GRB2: variants seen among roughly 807,000 people sequenced by gnomAD.
The protein encoded by GRB2 is growth factor receptor bound protein 2.
Under a neutral mutation model 27.4 loss-of-function variants are expected in GRB2, and 2 were observed. The ratio of observed to expected loss-of-function variants is 0.07; its 90% CI spans 0.03 to 0.23. GRB2 has a LOEUF of 0.23. Ranked by LOEUF, GRB2 falls within the 10% of genes least tolerant of loss-of-function variation. GRB2 has a pLI of 1.00. For missense variants in GRB2, 102 were observed against 282.4 expected (o/e 0.36, Z 4.58); for synonymous variants, 94 against 99.6 (o/e 0.94, Z 0.33).
chr17:75,390,864 T>C (rs1449725470), intron 2 of GRB2, among the ~76,000 whole-genome samples: 1 of 152,224 alleles, frequency 6.6e-6, no homozygotes, highest in African/African-American at 2.4e-5. Flanking sequence ...ACGTCTCCTT[T>C]ATCAAGAGAA....
intron 2 of GRB2, among the ~76,000 whole-genome samples, chr17:75,370,073 C>T (rs528212426): frequency 6.6e-6 from 1 of 152,340 alleles, no homozygotes; most frequent in Admixed American, 6.5e-5. Flanking sequence ...CAGACTGACT[C>T]TCGAGGTAAT....
chr17:75,345,474 T>C (rs2078649143), intron 2 of GRB2, among the ~76,000 whole-genome samples: 1 of 152,162 alleles, frequency 6.6e-6, no homozygotes, highest in Non-Finnish European at 1.5e-5. Context: ...GAAAAAGCAA[T>C]GTTGGTCACA....
chr17:75,356,455 C>A (rs2078734482), intron 2 of GRB2, among the ~76,000 whole-genome samples: 1 of 152,138 alleles, frequency 6.6e-6, no homozygotes, highest in Non-Finnish European at 1.5e-5. Flanking sequence ...CTGCAATGAG[C>A]CATGATCACA....
chr17:75,388,971 A>G (rs371330091), intron 2 of GRB2, among the ~76,000 whole-genome samples: 1 of 149,526 alleles, frequency 6.7e-6, no homozygotes, highest in East Asian at 2.0e-4. Flanking sequence ...CTTTCAAACC[A>G]CTCCCCTCCT....
chr17:75,398,303 C>T (rs1251654530), intron 1 of GRB2, among the ~76,000 whole-genome samples: 1 of 152,146 alleles, frequency 6.6e-6, no homozygotes, highest in African/African-American at 2.4e-5. Context: ...GGGTCTCACT[C>T]TGTAGCAAAG....
At chr17:75,386,715 C>G (rs1471077832) in intron 2 of GRB2, among the ~76,000 whole-genome samples, 1 of 152,212 alleles carries the variant, frequency 6.6e-6, no homozygotes, top group African/African-American at 2.4e-5. Context: ...CTGGTCTACT[C>G]ATACCTGGAC....
chr17:75,344,776 T>C (rs1598228089), intron 2 of GRB2, among the ~76,000 whole-genome samples: 1 of 152,214 alleles, frequency 6.6e-6, no homozygotes, highest in East Asian at 1.9e-4. Flanking sequence ...AGGAGGCTTT[T>C]AATCTTACAT....
At position 75,320,172 on chromosome 17, in the gene GRB2, G is replaced by A; in HGVS notation, c.*196C>T. On this transcript the variant is annotated 3_prime_UTR_variant, in exon 6 of 6. Transcript: ENST00000316804. This position sits in a 1 kb window ranked among gnomAD's most constrained non-coding sequence, Gnocchi z 4.3. ...TAATAAAAACTCTTCTTAATTTATA[G>A]GTAAGTTTTGGCATTTTTAAATCCA... 5.6e-6 allele frequency: 3 copies of A among 533,416 alleles called. No individual in the cohort carries two copies. Among genetic ancestry groups the A allele is most frequent in the Non-Finnish European group, 6.8e-6 (2 of 293,692 alleles). The allele number at this position is 533,416 out of a possible 1,614,324, so 33.0% of individuals were successfully genotyped here. A position where few individuals can be genotyped will look rare whatever the true frequency, so the allele number is the denominator to read the frequency against.
At chr17:75,376,384 G>A (rs145173763) in intron 2 of GRB2, among the ~76,000 whole-genome samples, 138 of 148,470 alleles carry the variant, frequency 9.3e-4, no homozygotes, top group Middle Eastern at 3.4e-3. Flanking sequence ...AACCCGACCT[G>A]GTGGCATGCT....
chr17:75,349,168 TAAAAG>T (rs575833553), intron 2 of GRB2, among the ~76,000 whole-genome samples: 2 of 152,344 alleles, frequency 1.3e-5, no homozygotes, highest in South Asian at 2.1e-4. Flanking sequence ...TGAGTTTAAA[TAAAAG>T]AAGCCATTCT....
At chr17:75,338,280 G>T (rs941858489) in intron 2 of GRB2, among the ~76,000 whole-genome samples, 2 of 151,946 alleles carry the variant, frequency 1.3e-5, no homozygotes, top group South Asian at 4.2e-4. Context: ...GGCCAGGCTG[G>T]TCTCGAACTC....
intron 1 of GRB2, among the ~76,000 whole-genome samples, chr17:75,400,505 C>T (rs1598259446): frequency 1.3e-5 from 2 of 151,708 alleles, no homozygotes; most frequent in African/African-American, 4.8e-5. Context: ...GACAGAGTCT[C>T]GCTCTGTTGC....
At position 75,393,559 on chromosome 17, in the gene GRB2, T is replaced by A. The variant is rs1192603825; in HGVS notation, c.70A>T (p.Ile24Phe). 1 of 1,613,842 alleles carries A rather than the reference T, an allele frequency of 6.2e-7. No individual in the cohort carries two copies. Among genetic ancestry groups the A allele is most frequent in the Admixed American group, 1.7e-5 (1 of 60,034 alleles). ...DDELSFKRGD[I>F]LKVLNEECDQ... ...TCGGCATCAGCACTTACCTTGAGGA[T>A]GTCCCCCCTTTTGAAGCTCAGCTCG... Residue 24 changes from isoleucine (I) to phenylalanine (F), a missense_variant, in exon 2 of 6, where the codon ATC (isoleucine) becomes TTC (phenylalanine). Transcript: ENST00000316804.
chr17:75,324,686 T>C (rs2078487094), intron 4 of GRB2, among the ~76,000 whole-genome samples: 1 of 151,898 alleles, frequency 6.6e-6, no homozygotes, highest in Admixed American at 6.6e-5. Context: ...CCTGGGTTAT[T>C]TTCTATTTTT....
In GRB2 at chr17:75,321,730, C is replaced by T. The variant is rs760319998; in HGVS notation, c.397G>A (p.Asp133Asn). 8 of 1,613,764 alleles carry T rather than the reference C, an allele frequency of 5.0e-6. No homozygotes were observed. The African/African-American group carries it at 5.3e-5, about 11-fold the overall frequency. ...VKFNSLNELV[D>N]YHRSTSVSRN... ...GAGACAGATGTAGATCTGTGATAAT[C>T]CACCAGCTCATTCAAAGAATTGAAC... is the stretch of plus-strand genomic sequence containing the variant. The change falls in exon 5 of 6, where the codon GAT (aspartate) becomes AAT (asparagine). Residue 133 changes from aspartate (D) to asparagine (N), a missense_variant. Transcript: ENST00000316804.
In GRB2 at chr17:75,320,981, G is replaced by GACC. The variant is rs1196489237; in HGVS notation, c.469-431_469-429dup. 2.0e-5 allele frequency among the ~76,000 whole-genome samples: 3 copies of GACC among 151,954 alleles called. No individual in the cohort carries two copies. Among genetic ancestry groups the GACC allele is most frequent in the African/African-American group, 7.3e-5 (3 of 41,346 alleles). On this transcript the variant is annotated intron_variant, in intron 5 of 5. Transcript: ENST00000316804. The surrounding 1 kb of genome is among the most constrained non-coding windows in gnomAD (Gnocchi z 4.3). ...ATAAGGGGCTCTAACCGTAACTTAC[G>GACC]ACCAGGGCTCGAGGGACAGGAACGG...
intron 2 of GRB2, chr17:75,371,100 A>C (rs2078852320): frequency 6.6e-6 from 1 of 152,472 alleles, no homozygotes; most frequent in Non-Finnish European, 1.5e-5. Flanking sequence ...GCTTGAGTCC[A>C]GGAGTCCGAG....
At chr17:75,379,959 T>A (rs2078917293) in intron 2 of GRB2, among the ~76,000 whole-genome samples, 1 of 152,166 alleles carries the variant, frequency 6.6e-6, no homozygotes, top group African/African-American at 2.4e-5. Flanking sequence ...AGAAAGCATA[T>A]AACATTACTT....
chr17:75,359,523 A>AATAATT (rs1478209311), intron 2 of GRB2, among the ~76,000 whole-genome samples: 11 of 83,214 alleles, frequency 1.3e-4, no homozygotes. Context: ...TAATAATAAT[A>AATAATT]AATAATAATA....
Sources: gnomAD v4.1 joint callset for allele counts (sites outside exome capture counted in the v4.1 genomes callset) on GRCh38, gnomAD v4.1.1 for gene constraint, Gnocchi (gnomAD v3.1) non-coding constraint, MANE v1.5 for transcripts, NCBI Gene and HGNC (gene_info 2026-07-23, HGNC 2026-07-21) for gene names.